LRFN1: variants seen among roughly 807,000 people sequenced by gnomAD.
LRFN1 encodes the protein leucine-rich repeat and fibronectin type III domain-containing protein 1.
A neutral mutation model predicts 31.8 loss-of-function variants in LRFN1; 20 were observed. The observed-to-expected ratio is 0.63, with a 90% CI of 0.44 to 0.91. The LOEUF (loss-of-function observed/expected upper bound fraction) is 0.91. Among genes scored for constraint, LRFN1 ranks in the 40% least tolerant of loss-of-function variants. The pLI, the probability that LRFN1 is intolerant of heterozygous loss-of-function variation, is 0.00. For missense variants in LRFN1, 912 were observed against 1,129.8 expected (o/e 0.81, Z 2.76); for synonymous variants, 514 against 541.3 (o/e 0.95, Z 0.70).
At position 39,306,730 on chromosome 19, in the gene LRFN1, A is replaced by AACACAC. The variant is rs58972296; in HGVS notation, c.*897_*902dup. 6,086 of 134,780 alleles carry AACACAC rather than the reference A, an allele frequency of 0.045. 176 individuals are homozygous for AACACAC. The highest frequency in any genetic ancestry group is 0.11 in the East Asian group (480 of 4,364). 8.3% of individuals were successfully genotyped at this position (134,780 alleles called of 1,614,324 possible). ...GCTGCAATCTAGGTCACCCTCCCCC[A>AACACAC]ACACACACACACACACACACACACA... is the stretch of plus-strand genomic sequence containing the variant. On this transcript the variant is annotated 3_prime_UTR_variant, in exon 5 of 5. Transcript: ENST00000248668.
Position 39,314,083 on chromosome 19 carries a change from A to T in LRFN1, c.1254T>A (p.Gly418=). 6.2e-7 allele frequency: 1 copy of T among 1,612,594 alleles called. No individual in the cohort carries two copies. Among genetic ancestry groups the T allele is most frequent in the South Asian group, 1.1e-5 (1 of 91,060 alleles). ...GACGCTCAGCCGCAGAATCGTTGGCACCTGGTCTGCCCGGCGTGGCGATGT... is the reference window on the plus strand; with the variant it reads ...GACGCTCAGCCGCAGAATCGTTGGCTCCTGGTCTGCCCGGCGTGGCGATGT... ...SSDIATPGRP[G]ANDSAAERRL... The change falls in exon 4 of 5, where the codon GGT becomes GGA. Residue 418 remains glycine (G), a synonymous_variant. Transcript: ENST00000248668.
Position 39,308,368 on chromosome 19 carries a change from C to A in LRFN1, c.1581G>T (p.Leu527=), listed in dbSNP as rs747130303. The A allele has an allele frequency of 5.3e-5, 86 of 1,611,914 alleles. No homozygotes were observed. In the East Asian group the frequency reaches 1.9e-3, roughly 36 times the overall value. Reference sequence around the variant, plus strand: ...TGGTGCCGCCCAAGAAATGGGCCCTCAGCGGGCGGCAGGGCGCCGGATCCC... The same window carrying A: ...TGGTGCCGCCCAAGAAATGGGCCCTAAGCGGGCGGCAGGGCGCCGGATCCC... ...TAGDPAPCRP[L]RAHFLGGTMI... The change falls in exon 5 of 5, where the codon CTG becomes CTT. Residue 527 remains leucine (L), a synonymous_variant. Coordinates refer to ENST00000248668, the MANE Select transcript of LRFN1 (RefSeq NM_020862.2). The surrounding 1 kb of genome is among the most constrained non-coding windows in gnomAD (Gnocchi z 6.2).
chr19:39,308,963 C>T lies in LRFN1; in HGVS notation c.1407-421G>A, dbSNP rs899234755. Among the ~76,000 whole-genome samples, 4 of 152,224 alleles carry T rather than the reference C, an allele frequency of 2.6e-5. No individual in the cohort carries two copies. Among genetic ancestry groups the T allele is most frequent in the African/African-American group, 9.6e-5 (4 of 41,456 alleles). ...CATTTCTACCCCAAAACTGGGCCAA[C>T]GCTACTGGCCACCTCCCCTTTTCTG... On this transcript the variant is annotated intron_variant, in intron 4 of 4. Coordinates refer to ENST00000248668, the MANE Select transcript of LRFN1 (RefSeq NM_020862.2). The surrounding 1 kb of genome is among the most constrained non-coding windows in gnomAD (Gnocchi z 6.2).
At chr19:39,317,593 G>A (rs1218687384) in intron 2 of LRFN1, among the ~76,000 whole-genome samples, 1 of 152,160 alleles carries the variant, frequency 6.6e-6, no homozygotes, top group Non-Finnish European at 1.5e-5. Flanking sequence ...CAGCACTGCA[G>A]GACAGAATCC....
chr19:39,307,443 C>A lies in LRFN1; in HGVS notation c.*190G>T. ...GGAGGCCGGCAGCCGGTCCCCGAAC[C>A]CCGCCCTGGGCACGGGGGCGTGGCC... is the stretch of plus-strand genomic sequence containing the variant. On this transcript the variant is annotated 3_prime_UTR_variant, in exon 5 of 5. Coordinates refer to ENST00000248668, the MANE Select transcript of LRFN1 (RefSeq NM_020862.2). The surrounding 1 kb of genome is among the most constrained non-coding windows in gnomAD (Gnocchi z 6.7). 1.8e-6 allele frequency: 1 copy of A among 541,652 alleles called. No homozygotes were observed. Among genetic ancestry groups the A allele is most frequent in the Non-Finnish European group, 2.9e-6 (1 of 346,382 alleles). The allele number at this position is 541,652 out of a possible 1,614,324, so 33.6% of individuals were successfully genotyped here.
At position 39,314,051 on chromosome 19, in the gene LRFN1, A is replaced by G; in HGVS notation, c.1286T>C (p.Val429Ala). The G allele has an allele frequency of 6.2e-7, 1 of 1,611,160 alleles. No individual in the cohort carries two copies. The highest frequency in any genetic ancestry group is 8.5e-7 in the Non-Finnish European group (1 of 1,179,692). Residue 429 changes from valine to alanine, a missense_variant, in exon 4 of 5, where the codon GTG becomes GCG. Coordinates refer to ENST00000248668, the MANE Select transcript of LRFN1 (RefSeq NM_020862.2). The part of the protein sequence containing the change: ...ANDSAAERRL[V>A]AAELTSNSVL... ...GGAGTTCGAGGTGAGCTCGGCTGCC[A>G]CGAGCCGACGCTCAGCCGCAGAATC...
Position 39,315,458 on chromosome 19 carries a change from C to G in LRFN1, c.-37-85G>C. 1 of 881,312 alleles carries G rather than the reference C, an allele frequency of 1.1e-6. No homozygotes were observed. Among genetic ancestry groups the G allele is most frequent in the Non-Finnish European group, 1.7e-6 (1 of 602,382 alleles). The allele number at this position is 881,312 out of a possible 1,614,324, so 54.6% of individuals were successfully genotyped here. On this transcript the variant is annotated intron_variant, in intron 3 of 4. Transcript: ENST00000248668. This position sits in a 1 kb window ranked among gnomAD's most constrained non-coding sequence, Gnocchi z 4.7. ...TACGAGTCAGGCCTGGATCCCTCCC[C>G]TACCGCCTACAGCTGGGTTCCATAG...
In LRFN1 at chr19:39,308,113, C is replaced by T. The variant is rs61730568; in HGVS notation, c.1836G>A (p.Glu612=). ...CGGCGACGGCGGGGGCAGCCTGGGA[C>T]TCCACCTCGCGCAGCGCCTCGTAGT... ...QDHYEALREV[E]SQAAPAVAVE... The change falls in exon 5 of 5, where the codon GAG becomes GAA. Residue 612 remains glutamate (E), a synonymous_variant. Coordinates refer to ENST00000248668, the MANE Select transcript of LRFN1 (RefSeq NM_020862.2). The surrounding 1 kb of genome is among the most constrained non-coding windows in gnomAD (Gnocchi z 6.2). The T allele has an allele frequency of 1.6e-3, 2,376 of 1,504,572 alleles. 10 individuals carry two copies. In the Middle Eastern group the frequency reaches 0.018, roughly 12 times the overall value. 93.2% of individuals were successfully genotyped at this position (1,504,572 alleles called of 1,614,324 possible).
chr19:39,307,779 G>A lies in LRFN1; in HGVS notation c.2170C>T (p.Arg724Trp), dbSNP rs2075134464. 2 of 1,489,412 alleles carry A rather than the reference G, an allele frequency of 1.3e-6. No individual in the cohort carries two copies. The highest frequency in any genetic ancestry group is 1.8e-6 in the Non-Finnish European group (2 of 1,127,784). 92.3% of individuals were successfully genotyped at this position (1,489,412 alleles called of 1,614,324 possible). Residue 724 changes from arginine (R) to tryptophan (W), a missense_variant, in exon 5 of 5, where the codon CGG becomes TGG. Arg to Trp is a moderately radical substitution (Grantham distance 101). Coordinates refer to ENST00000248668, the MANE Select transcript of LRFN1 (RefSeq NM_020862.2). This position sits in a 1 kb window ranked among gnomAD's most constrained non-coding sequence, Gnocchi z 6.7. ...FQSHSYPRRA[R>W]RTKRHRSTPH... is the part of the protein sequence containing the mutation. ...GTGGACCGGTGGCGCTTTGTCCGCC[G>A]GGCGCGGCGCGGGTAACTGTGGCTC... is the stretch of plus-strand genomic sequence containing the variant.
rs764875812 is a variant in LRFN1 at position 39,314,521 on chromosome 19, T to C, written c.816A>G (p.Leu272=). The change falls in exon 4 of 5, where the codon TTA becomes TTG. Residue 272 remains leucine, a synonymous_variant. Coordinates refer to ENST00000248668, the MANE Select transcript of LRFN1 (RefSeq NM_020862.2). ...GGTGTTCGGGCGTGGCGCAGGTCTC[T>C]AAGTCGTCCTCGCGGGTCAGCCGCC... ...WLRRLTREDD[L]ETCATPEHLT... is the part of the protein sequence containing the mutation. 9.3e-6 allele frequency: 15 copies of C among 1,610,306 alleles called. No homozygotes were observed. Among genetic ancestry groups the C allele is most frequent in the Non-Finnish European group, 1.2e-5 (14 of 1,178,986 alleles).
At chr19:39,317,952 T>C (rs1020272709) in intron 2 of LRFN1, among the ~76,000 whole-genome samples, 9 of 152,142 alleles carry the variant, frequency 5.9e-5, no homozygotes, top group African/African-American at 1.9e-4. Context: ...GGCAAACATA[T>C]TCACTCAACC....
At chr19:39,317,316 G>A (rs1224568797) in intron 2 of LRFN1, among the ~76,000 whole-genome samples, 3 of 152,050 alleles carry the variant, frequency 2.0e-5, no homozygotes, top group Non-Finnish European at 4.4e-5. Context: ...GGATCGGGGT[G>A]TCCTACCATC....
chr19:39,317,535 G>A (rs1210476657), intron 2 of LRFN1, among the ~76,000 whole-genome samples: 2 of 152,160 alleles, frequency 1.3e-5, no homozygotes, highest in African/African-American at 4.8e-5. Flanking sequence ...CTCAAATGGA[G>A]GGAATAATAA....
rs1409398550 is a variant in LRFN1, at chr19:39,307,887, C to G, written c.2062G>C (p.Ala688Pro). 1.3e-6 allele frequency: 2 copies of G among 1,561,600 alleles called. No individual in the cohort carries two copies. Among genetic ancestry groups the G allele is most frequent in the Admixed American group, 1.8e-5 (1 of 54,100 alleles). ...EPPTSAPPTLALVPGGAAARP... is the reference protein window; with the variant it reads ...EPPTSAPPTLPLVPGGAAARP... ...GCCGCGGCTCCCCCAGGAACTAGAG[C>G]TAGAGTAGGGGGCGCCGAGGTTGGT... The change falls in exon 5 of 5, where the codon GCT (alanine) becomes CCT (proline). Residue 688 changes from alanine (A) to proline (P), a missense_variant. This residue lies in a region of LRFN1 where 511 missense variants were observed against 557.0 expected (regional missense o/e 0.92). Coordinates refer to ENST00000248668, the MANE Select transcript of LRFN1 (RefSeq NM_020862.2). This position sits in a 1 kb window ranked among gnomAD's most constrained non-coding sequence, Gnocchi z 6.7.
chr19:39,307,761 G>A lies in LRFN1; in HGVS notation c.2188C>T (p.Arg730Trp). Residue 730 changes from arginine to tryptophan, a missense_variant, in exon 5 of 5, where the codon CGG (arginine) becomes TGG (tryptophan). Arg to Trp is a moderately radical substitution (Grantham distance 101, BLOSUM62 -3). Transcript: ENST00000248668. This position sits in a 1 kb window ranked among gnomAD's most constrained non-coding sequence, Gnocchi z 6.7. Reference protein sequence around the residue: ...PRRARRTKRHRSTPHLDGAGG... With the variant: ...PRRARRTKRHWSTPHLDGAGG... ...GCCCCGTCCAGGTGCGGCGTGGACC[G>A]GTGGCGCTTTGTCCGCCGGGCGCGG... 1 of 1,488,572 alleles carries A rather than the reference G, an allele frequency of 6.7e-7. No individual in the cohort carries two copies. The highest frequency in any genetic ancestry group is 8.9e-7 in the Non-Finnish European group (1 of 1,128,756). 92.2% of individuals were successfully genotyped at this position (1,488,572 alleles called of 1,614,324 possible). A position where few individuals can be genotyped will look rare whatever the true frequency, so the allele number is the denominator to read the frequency against.
intron 2 of LRFN1, among the ~76,000 whole-genome samples, chr19:39,317,228 TAGAG>T (rs1010039747): frequency 6.6e-6 from 1 of 151,412 alleles, no homozygotes; most frequent in Non-Finnish European, 1.5e-5. Flanking sequence ...GAGACAGTAT[TAGAG>T]AGAAAAAGAC....
At chr19:39,312,930 G>T (rs1461652431) in intron 4 of LRFN1, among the ~76,000 whole-genome samples, 1 of 152,172 alleles carries the variant, frequency 6.6e-6, no homozygotes, top group Non-Finnish European at 1.5e-5. Context: ...ACAGGGTCTG[G>T]GTGGTTTCCC....
intron 4 of LRFN1, among the ~76,000 whole-genome samples, chr19:39,311,031 C>T (rs965364171): frequency 1.3e-5 from 2 of 152,238 alleles, no homozygotes; most frequent in African/African-American, 2.4e-5. Flanking sequence ...CTCTTCATCT[C>T]TCCTCTCCAG....
In LRFN1 at chr19:39,312,891, C is replaced by T. The variant is rs146785937; in HGVS notation, c.1406+1040G>A. Among the ~76,000 whole-genome samples the T allele has an allele frequency of 3.0e-3, 451 of 151,968 alleles. 4 individuals are homozygous for T. The highest frequency in any genetic ancestry group is 0.017 in the Middle Eastern group (5 of 294). On this transcript the variant is annotated intron_variant, in intron 4 of 4. Coordinates refer to ENST00000248668, the MANE Select transcript of LRFN1 (RefSeq NM_020862.2). ...GCAACTCATAGTGTACTATGGACCACGACCTACTGGGCTATAAGCTCCCTG... is the reference window on the plus strand; with the variant it reads ...GCAACTCATAGTGTACTATGGACCATGACCTACTGGGCTATAAGCTCCCTG...
Sources: gnomAD v4.1 joint callset for allele counts (sites outside exome capture counted in the v4.1 genomes callset) on GRCh38, gnomAD v4.1.1 for gene constraint, gnomAD v4.1.1 regional missense constraint, Gnocchi (gnomAD v3.1) non-coding constraint, MANE v1.5 for transcripts, NCBI Gene and HGNC (gene_info 2026-07-23, HGNC 2026-07-21) for gene names.